The following WLS variants were observed in gnomAD, a reference collection of about 807,000 sequenced individuals.
The protein encoded by WLS is Wnt ligand secretion mediator.
A neutral mutation model predicts 62.8 loss-of-function variants in WLS; 23 were observed. The observed-to-expected ratio is 0.37, with a 90% confidence interval of 0.26 to 0.52. The LOEUF (loss-of-function observed/expected upper bound fraction) is 0.52, where lower values mean the gene tolerates loss of function less well. WLS is among the 20% of genes least tolerant of loss of function. The pLI is 0.92. For missense variants in WLS, 615 were observed against 697.3 expected (o/e 0.88, Z 1.33); for synonymous variants, 246 against 244.1 (o/e 1.01, Z -0.07).
chr1:68,214,167 C>T (rs1026889200), intron 1 of WLS, among the ~76,000 whole-genome samples: 1 of 142,858 alleles, frequency 7.0e-6, no homozygotes, highest in Non-Finnish European at 1.5e-5. Context: ...ACTTGGTGCT[C>T]AACAGTGATC....
At position 68,190,839 on chromosome 1, in the gene WLS, C is replaced by G. The variant is rs1221179764; in HGVS notation, c.379+3116G>C. On this transcript the variant is annotated intron_variant, in intron 2 of 11. Transcript: ENST00000262348. Reference sequence around the variant, plus strand: ...TTGGGAGGCCGAAGTGAGTGGATCACCTGAGGTCGGGAGTTCTAGACCATC... The same window carrying G: ...TTGGGAGGCCGAAGTGAGTGGATCAGCTGAGGTCGGGAGTTCTAGACCATC... Among the ~76,000 whole-genome samples, 8 of 152,292 alleles carry G rather than the reference C, an allele frequency of 5.3e-5. No homozygotes were observed. In the East Asian group the frequency reaches 1.5e-3, roughly 29 times the overall value.
At chr1:68,199,407 G>A (rs1160171924) in intron 1 of WLS, among the ~76,000 whole-genome samples, 3 of 152,088 alleles carry the variant, frequency 2.0e-5, no homozygotes, top group African/African-American at 4.8e-5. Context: ...GGTAGCTTTC[G>A]GCAGGGCTTA....
intron 11 of WLS, among the ~76,000 whole-genome samples, chr1:68,106,122 C>T (rs1031094264): frequency 6.6e-6 from 1 of 152,068 alleles, no homozygotes; most frequent in Admixed American, 6.6e-5. Context: ...CAGCCAAAAA[C>T]AACTAACAGT....
intron 2 of WLS, chr1:68,186,510 A>G: frequency 2.5e-6 from 1 of 398,746 alleles, no homozygotes; most frequent in Admixed American, 3.2e-5. Context: ...TTAAAAAAAA[A>G]AAAATGGATT....
intron 1 of WLS, among the ~76,000 whole-genome samples, chr1:68,199,688 C>T (rs970964586): frequency 6.6e-6 from 1 of 152,076 alleles, no homozygotes; most frequent in Non-Finnish European, 1.5e-5. Flanking sequence ...CCCAATCATC[C>T]CTGCTGTACT....
At chr1:68,212,725 A>C (rs1184056689) in intron 1 of WLS, among the ~76,000 whole-genome samples, 1 of 152,230 alleles carries the variant, frequency 6.6e-6, no homozygotes, top group Non-Finnish European at 1.5e-5. Context: ...TTTTGGTATA[A>C]TCCAAAAGAT....
rs532884372 is a variant in WLS at position 68,165,747 on chromosome 1, C to T, written c.380-6500G>A. 9.8e-5 allele frequency among the ~76,000 whole-genome samples: 15 copies of T among 152,298 alleles called. No individual in the cohort carries two copies. The South Asian group carries it at 1.9e-3, about 19-fold the overall frequency. ...CACATTTTGGCACAGAATTCCAAGT[C>T]GTCCATGAGTCCTCAATTCGAACCT... is the stretch of plus-strand genomic sequence containing the variant. On this transcript the variant is annotated intron_variant, in intron 2 of 11. Coordinates refer to ENST00000262348, the MANE Select transcript of WLS (RefSeq NM_024911.7).
intron 11 of WLS, among the ~76,000 whole-genome samples, chr1:68,107,732 G>A (rs951233615): frequency 6.6e-6 from 1 of 152,178 alleles, no homozygotes; most frequent in African/African-American, 2.4e-5. Flanking sequence ...TGGCAAACCT[G>A]TAAGGCAGGG....
At chr1:68,109,515 A>G (rs1315650969) in intron 11 of WLS, among the ~76,000 whole-genome samples, 7 of 152,242 alleles carry the variant, frequency 4.6e-5, no homozygotes, top group African/African-American at 1.7e-4. Context: ...CATTCAAAAA[A>G]TATGAAGTCA....
At chr1:68,169,618 G>A (rs1647116528) in intron 2 of WLS, among the ~76,000 whole-genome samples, 1 of 152,148 alleles carries the variant, frequency 6.6e-6, no homozygotes, top group African/African-American at 2.4e-5. Context: ...TCTACTAGGT[G>A]TCTTTCAGAT....
At chr1:68,214,152 C>T (rs965679712) in intron 1 of WLS, among the ~76,000 whole-genome samples, 1 of 151,212 alleles carries the variant, frequency 6.6e-6, no homozygotes, top group African/African-American at 2.4e-5. Context: ...TGATCTTCAC[C>T]AGCAACTTGG....
chr1:68,171,861 C>T (rs1647158998), intron 2 of WLS, among the ~76,000 whole-genome samples: 1 of 152,184 alleles, frequency 6.6e-6, no homozygotes, highest in African/African-American at 2.4e-5. Flanking sequence ...GACACATGCA[C>T]ACGTATGTTT....
At chr1:68,209,789 A>G (rs534133123) in intron 1 of WLS, among the ~76,000 whole-genome samples, 2 of 152,292 alleles carry the variant, frequency 1.3e-5, no homozygotes, top group African/African-American at 4.8e-5. Context: ...TTCAAAAAAA[A>G]AAAAGAAGTG....
chr1:68,159,020 G>C, intron 3 of WLS, 103 bp downstream of exon 3: 1 of 1,471,474 alleles, frequency 6.8e-7, no homozygotes, highest in Non-Finnish European at 9.3e-7. Context: ...TACCAAAGCT[G>C]TCCTCATGCG....
intron 2 of WLS, among the ~76,000 whole-genome samples, chr1:68,173,796 G>C (rs1647189842): frequency 6.6e-6 from 1 of 152,184 alleles, no homozygotes; most frequent in Non-Finnish European, 1.5e-5. Context: ...AGCAGGGCCA[G>C]GACTTTCCCT....
At chr1:68,196,350 A>G (rs1048096440) in intron 1 of WLS, among the ~76,000 whole-genome samples, 2 of 151,912 alleles carry the variant, frequency 1.3e-5, no homozygotes, top group Non-Finnish European at 2.9e-5. Flanking sequence ...TAAACCTTTG[A>G]AAGTTAGTAG....
chr1:68,148,654 G>T lies in WLS; in HGVS notation c.979C>A (p.His327Asn). ...IFCGEHMMDQ[H>N]ERNHIAGYWK... is the part of the protein sequence containing the mutation. ...TACCCTGCGATGTGGTTCCGCTCGT[G>T]CTGATCCTGAGGAAAACCAAATTGA... is the stretch of plus-strand genomic sequence containing the variant. Residue 327 changes from histidine to asparagine, a missense_variant, in exon 7 of 12, where the codon CAC becomes AAC. Coordinates refer to ENST00000262348, the MANE Select transcript of WLS (RefSeq NM_024911.7). The T allele has an allele frequency of 1.2e-6, 2 of 1,613,686 alleles. No individual in the cohort carries two copies. Among genetic ancestry groups the T allele is most frequent in the East Asian group, 4.5e-5 (2 of 44,880 alleles).
At position 68,193,447 on chromosome 1, in the gene WLS, A is replaced by G. The variant is rs936065062; in HGVS notation, c.379+508T>C. On this transcript the variant is annotated intron_variant, in intron 2 of 11. Coordinates refer to ENST00000262348, the MANE Select transcript of WLS (RefSeq NM_024911.7). ...AAAAAAAAAAAAAAAAAAAAACGAAAAAAAAACCTGGTTTGGTGGGGAAAT... is the reference window on the plus strand; with the variant it reads ...AAAAAAAAAAAAAAAAAAAAACGAAGAAAAAACCTGGTTTGGTGGGGAAAT... Among the ~76,000 whole-genome samples, 11 of 137,124 alleles carry G rather than the reference A, an allele frequency of 8.0e-5. No homozygotes were observed. In the East Asian group the frequency reaches 1.8e-3, roughly 23 times the overall value. The allele number at this position is 137,124 out of a possible 152,430, so 90.0% of individuals were successfully genotyped here. A position where few individuals can be genotyped will look rare whatever the true frequency, so the allele number is the denominator to read the frequency against.
At chr1:68,135,305 C>CTTTTTTTTTTTTT (rs71581156) in intron 11 of WLS, among the ~76,000 whole-genome samples, 1 of 66,762 alleles carries the variant, frequency 1.5e-5, no homozygotes. Context: ...CCATGCCTGG[C>CTTTTTTTTTTTTT]TTTTTTTTTT....
Sources: allele counts gnomAD v4.1 joint callset (sites outside exome capture counted in the v4.1 genomes callset), GRCh38; gene constraint gnomAD v4.1.1; transcripts MANE v1.5; gene names NCBI Gene and HGNC (gene_info 2026-07-23, HGNC 2026-07-21).